Variants in PPP1R12B observed in about 807,000 individuals in gnomAD.
PPP1R12B encodes the protein protein phosphatase 1 regulatory subunit 12B.
A neutral mutation model predicts 126.1 loss-of-function variants in PPP1R12B; 76 were observed. That is an observed-to-expected ratio of 0.60 (90% CI 0.50 to 0.73). The LOEUF (loss-of-function observed/expected upper bound fraction) is 0.73. Among genes scored for constraint, PPP1R12B ranks in the 30% least tolerant of loss-of-function variants. The pLI, the probability that PPP1R12B is intolerant of heterozygous loss-of-function variation, is 0.00. For missense variants in PPP1R12B, 1,052 were observed against 1,205.1 expected (o/e 0.87, Z 1.88); for synonymous variants, 356 against 434.7 (o/e 0.82, Z 2.25).
chr1:202,524,819 C>G (rs1314521679), intron 18 of PPP1R12B, among the ~76,000 whole-genome samples: 1 of 152,164 alleles, frequency 6.6e-6, no homozygotes, highest in Non-Finnish European at 1.5e-5. Flanking sequence ...GCAGATTGTG[C>G]TGCTGTAAAC....
At chr1:202,405,879 G>A (rs1348084188) in intron 1 of PPP1R12B, among the ~76,000 whole-genome samples, 1 of 152,160 alleles carries the variant, frequency 6.6e-6, no homozygotes, top group African/African-American at 2.4e-5. Context: ...TATTAGCTTT[G>A]ACTATATAAA....
intron 1 of PPP1R12B, among the ~76,000 whole-genome samples, chr1:202,362,255 C>T (rs774633548): frequency 6.6e-6 from 1 of 152,050 alleles, no homozygotes; most frequent in African/African-American, 2.4e-5. Context: ...ATTGATTTTC[C>T]TCCCCATGTT....
intron 18 of PPP1R12B, among the ~76,000 whole-genome samples, chr1:202,530,094 A>G (rs1683774122): frequency 6.6e-6 from 1 of 152,210 alleles, no homozygotes; most frequent in Non-Finnish European, 1.5e-5. Context: ...GCTAATCAAA[A>G]AAGATATAAT....
intron 12 of PPP1R12B, chr1:202,448,186 T>C (rs1210478486): frequency 6.6e-6 from 1 of 152,246 alleles, no homozygotes; most frequent in Non-Finnish European, 1.5e-5. Flanking sequence ...TGGACCTCTG[T>C]TACCCCAGCA....
intron 3 of PPP1R12B, among the ~76,000 whole-genome samples, chr1:202,424,730 T>C (rs1389276856): frequency 6.6e-6 from 1 of 152,174 alleles, no homozygotes; most frequent in African/African-American, 2.4e-5. Flanking sequence ...TATTATTTTG[T>C]ATAATGGGGT....
In PPP1R12B at chr1:202,562,727, C is replaced by T. The variant is rs539018227; in HGVS notation, c.2508-51C>T. The T allele has an allele frequency of 1.9e-5, 29 of 1,555,622 alleles. No homozygotes were observed. The East Asian group carries it at 4.3e-4, about 23-fold the overall frequency. On this transcript the variant is annotated intron_variant, in intron 19 of 23. Coordinates refer to ENST00000608999, the MANE Select transcript of PPP1R12B (RefSeq NM_002481.4). ...CTACCCCTGAGCATTACCTTCTCCC[C>T]ACTACTTTGTTCTCAAAACCAATTT...
intron 13 of PPP1R12B, among the ~76,000 whole-genome samples, chr1:202,457,444 T>A (rs1468005579): frequency 6.6e-6 from 1 of 151,040 alleles, no homozygotes; most frequent in Non-Finnish European, 1.5e-5. Flanking sequence ...TCCCAGCTAC[T>A]AAGGAGGCCG....
chr1:202,407,441 G>T (rs1666782241), intron 1 of PPP1R12B, among the ~76,000 whole-genome samples: 1 of 152,120 alleles, frequency 6.6e-6, no homozygotes, highest in African/African-American at 2.4e-5. Context: ...CTTTACTTCT[G>T]CTCTCTCGGC....
At chr1:202,553,397 G>A (rs1445558459) in intron 18 of PPP1R12B, among the ~76,000 whole-genome samples, 1 of 152,098 alleles carries the variant, frequency 6.6e-6, no homozygotes, top group Non-Finnish European at 1.5e-5. Context: ...TTCAACAGAA[G>A]GTAGAGCAAA....
At chr1:202,534,196 T>C (rs1684292751) in intron 18 of PPP1R12B, among the ~76,000 whole-genome samples, 1 of 152,238 alleles carries the variant, frequency 6.6e-6, no homozygotes, top group African/African-American at 2.4e-5. Flanking sequence ...GTTTGGCTTT[T>C]TAAGCAGGCT....
intron 1 of PPP1R12B, among the ~76,000 whole-genome samples, chr1:202,413,282 C>A (rs1667637527): frequency 6.6e-6 from 1 of 152,104 alleles, no homozygotes; most frequent in Non-Finnish European, 1.5e-5. Context: ...AAATTTTCGT[C>A]TAAATGAAAT....
chr1:202,495,671 T>C lies in PPP1R12B; in HGVS notation c.2437T>C (p.Trp813Arg). 2 of 1,614,054 alleles carry C rather than the reference T, an allele frequency of 1.2e-6. No homozygotes were observed. Among genetic ancestry groups the C allele is most frequent in the Non-Finnish European group, 1.7e-6 (2 of 1,179,918 alleles). Reference sequence around the variant, plus strand: ...ACGAAGAGGCACAGGCATCAATTTCTGGACAAAGGATGTAAGTGGATTGGT... The same window carrying C: ...ACGAAGAGGCACAGGCATCAATTTCCGGACAAAGGATGTAAGTGGATTGGT... ...ERRRGTGINF[W>R]TKDEDETDGS... The change falls in exon 17 of 24, where the codon TGG becomes CGG. Residue 813 changes from tryptophan to arginine, a missense_variant. Coordinates refer to ENST00000608999, the MANE Select transcript of PPP1R12B (RefSeq NM_002481.4).
At chr1:202,431,346 A>G in intron 7 of PPP1R12B, 134 bp from the exon 8 acceptor site, 2 of 694,372 alleles carry the variant, frequency 2.9e-6, no homozygotes, top group Non-Finnish European at 4.4e-6. Flanking sequence ...AGGGTTTGGA[A>G]GAACACACAG....
chr1:202,425,440 C>T (rs1669376507), intron 3 of PPP1R12B, 126 bp from the exon 4 acceptor site: 1 of 1,050,770 alleles, frequency 9.5e-7, no homozygotes, highest in African/African-American at 1.6e-5. Context: ...TTGATAATTA[C>T]CCAACTTGAT....
intron 1 of PPP1R12B, among the ~76,000 whole-genome samples, chr1:202,368,935 T>G (rs1015168123): frequency 8.5e-5 from 13 of 152,268 alleles, no homozygotes; most frequent in Admixed American, 8.5e-4. Flanking sequence ...CTCTATGTGG[T>G]CCAACTTGTG....
intron 18 of PPP1R12B, among the ~76,000 whole-genome samples, chr1:202,555,001 G>T (rs977654821): frequency 2.0e-5 from 3 of 151,958 alleles, no homozygotes; most frequent in Non-Finnish European, 4.4e-5. Context: ...AAACCCTATG[G>T]AATCTGCCTT....
intron 18 of PPP1R12B, among the ~76,000 whole-genome samples, chr1:202,529,719 G>C (rs563675557): frequency 6.6e-6 from 1 of 152,096 alleles, no homozygotes; most frequent in African/African-American, 2.4e-5. Context: ...TTGCTACCAG[G>C]CAGTAATACG....
rs542330551 is a variant in PPP1R12B, at chr1:202,590,152, T to A, written c.*9592T>A. On this transcript the variant is annotated 3_prime_UTR_variant, in exon 24 of 24. Coordinates refer to ENST00000608999, the MANE Select transcript of PPP1R12B (RefSeq NM_002481.4). ...AGTCAACTGAGGACTTTGTAGAAAT[T>A]GTTACTTTTCAAATTCCCACTTCCC... 3 of 152,190 alleles carry A rather than the reference T, an allele frequency of 2.0e-5. No homozygotes were observed. The highest frequency in any genetic ancestry group is 4.4e-5 in the Non-Finnish European group (3 of 68,036). The allele number at this position is 152,190 out of a possible 1,614,324, so 9.4% of individuals were successfully genotyped here. A position where few individuals can be genotyped will look rare whatever the true frequency, so the allele number is the denominator to read the frequency against.
intron 1 of PPP1R12B, among the ~76,000 whole-genome samples, chr1:202,373,414 A>C (rs1369740229): frequency 6.6e-6 from 1 of 152,156 alleles, no homozygotes; most frequent in Admixed American, 6.5e-5. Flanking sequence ...ACAAAGATTT[A>C]CACCTATGTT....
Sources: gnomAD v4.1 joint callset for allele counts (sites outside exome capture counted in the v4.1 genomes callset) on GRCh38, gnomAD v4.1.1 for gene constraint, MANE v1.5 for transcripts, NCBI Gene and HGNC (gene_info 2026-07-23, HGNC 2026-07-21) for gene names.